Variants in USP13 observed in about 807,000 individuals in gnomAD.
USP13 encodes ubiquitin specific peptidase 13.
A neutral mutation model predicts 107.8 loss-of-function variants in USP13; 68 were observed. That is an observed-to-expected ratio of 0.63 (90% CI 0.52 to 0.77). USP13 has a LOEUF of 0.77. Among genes scored for constraint, USP13 ranks in the 30% least tolerant of loss-of-function variants. The pLI is 0.00. For missense variants in USP13, 945 were observed against 1,093.3 expected (o/e 0.86, Z 1.91); for synonymous variants, 377 against 389.5 (o/e 0.97, Z 0.38).
At position 179,754,752 on chromosome 3, in the gene USP13, GACCTACTTGATATCA is replaced by G. The variant is rs772209058; in HGVS notation, c.1823_1837del (p.Leu608_Asn612del). 2 of 1,613,436 alleles carry G rather than the reference GACCTACTTGATATCA, an allele frequency of 1.2e-6. No homozygotes were observed. Among genetic ancestry groups the G allele is most frequent in the South Asian group, 2.2e-5 (2 of 90,870 alleles). ...TGCAGATGTTTCTATTGATATGCCA[GACCTACTTGATATCA>G]ACCATCTCCGAGCCAGGGGGTTACA... is the stretch of plus-strand genomic sequence containing the variant. On this transcript the variant is annotated inframe_deletion, in exon 15 of 21. Coordinates refer to ENST00000263966, the MANE Select transcript of USP13 (RefSeq NM_003940.3).
intron 3 of USP13, among the ~76,000 whole-genome samples, chr3:179,690,814 TC>T (rs1166258264): frequency 3.3e-5 from 5 of 152,170 alleles, no homozygotes; most frequent in Non-Finnish European, 5.9e-5. Context: ...GCTCAAGCGA[TC>T]CAACTGCCTC....
chr3:179,670,278 G>A (rs557804208), intron 1 of USP13, among the ~76,000 whole-genome samples: 3 of 152,180 alleles, frequency 2.0e-5, no homozygotes, highest in Non-Finnish European at 2.9e-5. Context: ...TCTTTCTTGC[G>A]TGTTGCCTGT....
At chr3:179,717,027 C>T (rs1189308533) in intron 6 of USP13, among the ~76,000 whole-genome samples, 1 of 152,184 alleles carries the variant, frequency 6.6e-6, no homozygotes, top group East Asian at 1.9e-4. Flanking sequence ...TCATGAAACA[C>T]TGCTTGGGCT....
Position 179,653,240 on chromosome 3 carries a change from C to A in USP13, c.15C>A (p.Gly5=). The part of the protein sequence containing the change: MQRR[G]ALFGMPGGSG... The stretch of plus-strand genomic sequence containing the variant: ...GCGCCGAGGCCATGCAGCGCCGGGG[C>A]GCCCTGTTCGGCATGCCGGGCGGCA... The change falls in exon 1 of 21, where the codon GGC becomes GGA. Residue 5 remains glycine, a synonymous_variant. Coordinates refer to ENST00000263966, the MANE Select transcript of USP13 (RefSeq NM_003940.3). This position sits in a 1 kb window ranked among gnomAD's most constrained non-coding sequence, Gnocchi z 4.0. 6.5e-7 allele frequency: 1 copy of A among 1,549,314 alleles called. No homozygotes were observed. Among genetic ancestry groups the A allele is most frequent in the East Asian group, 2.4e-5 (1 of 40,870 alleles).
chr3:179,720,408 T>G (rs1186658746), intron 7 of USP13, among the ~76,000 whole-genome samples: 1 of 152,222 alleles, frequency 6.6e-6, no homozygotes, highest in Non-Finnish European at 1.5e-5. Context: ...TTTCATTAAT[T>G]TCAGGGAGGG....
rs573375270 is a variant in USP13, at chr3:179,778,318, A to G, written c.2414-3421A>G. On this transcript the variant is annotated intron_variant, in intron 19 of 20. Transcript: ENST00000263966. ...CCTTCATTCATTCATTTATTTATACATTTAACAGATACTTATTAAGTACCT... is the reference window on the plus strand; with the variant it reads ...CCTTCATTCATTCATTTATTTATACGTTTAACAGATACTTATTAAGTACCT... Among the ~76,000 whole-genome samples, 8 of 152,376 alleles carry G rather than the reference A, an allele frequency of 5.3e-5. No individual in the cohort carries two copies. The East Asian group carries it at 1.5e-3, about 29-fold the overall frequency.
At chr3:179,722,237 G>A (rs1043903696) in intron 8 of USP13, among the ~76,000 whole-genome samples, 1 of 152,102 alleles carries the variant, frequency 6.6e-6, no homozygotes, top group African/African-American at 2.4e-5. Context: ...GAGAGATCCG[G>A]TGGTAGGTCT....
At chr3:179,769,892 TA>T (rs775777239) in intron 19 of USP13, among the ~76,000 whole-genome samples, 40 of 152,328 alleles carry the variant, frequency 2.6e-4, no homozygotes, top group Non-Finnish European at 5.0e-4. Context: ...GATTATTTGT[TA>T]AGGGAAGTTT....
chr3:179,706,896 A>T (rs375369301), intron 4 of USP13, 38 bp from the exon 5 acceptor site: 1 of 1,560,052 alleles, frequency 6.4e-7, no homozygotes, highest in African/African-American at 1.4e-5. Context: ...TATTTTCTCA[A>T]ACTGTTTTTA....
At chr3:179,759,833 C>G (rs969343290) in intron 16 of USP13, among the ~76,000 whole-genome samples, 2 of 152,132 alleles carry the variant, frequency 1.3e-5, no homozygotes, top group Admixed American at 6.5e-5. Context: ...GCCACCACCC[C>G]CAGCTAACTT....
At chr3:179,741,477 C>T (rs1199226470) in intron 11 of USP13, among the ~76,000 whole-genome samples, 2 of 151,472 alleles carry the variant, frequency 1.3e-5, no homozygotes, top group Non-Finnish European at 2.9e-5. Flanking sequence ...AATAAAGCCT[C>T]CCGAGTAGCT....
chr3:179,756,388 C>T (rs200747224), intron 15 of USP13, among the ~76,000 whole-genome samples: 41 of 151,816 alleles, frequency 2.7e-4, no homozygotes, highest in East Asian at 2.0e-3. Context: ...TCCAGCCTGG[C>T]GGCAGAGCGA....
intron 6 of USP13, among the ~76,000 whole-genome samples, chr3:179,714,929 G>A (rs1476768003): frequency 6.9e-6 from 1 of 145,256 alleles, no homozygotes; most frequent in Non-Finnish European, 1.5e-5. Flanking sequence ...GGAGAGCAGT[G>A]GTGGAATCAT....
chr3:179,681,731 A>G, intron 1 of USP13, 147 bp from the exon 2 acceptor site: 1 of 1,032,314 alleles, frequency 9.7e-7, no homozygotes, highest in Non-Finnish European at 1.4e-6. Flanking sequence ...ACTTGGGTTA[A>G]AACAAGGTAG....
intron 4 of USP13, 34 bp from the exon 5 acceptor site, chr3:179,706,898 CTG>C (rs1371743448): frequency 1.3e-6 from 2 of 1,559,780 alleles, no homozygotes; most frequent in East Asian, 2.3e-5. Flanking sequence ...TTTTCTCAAA[CTG>C]TTTTTATATA....
Position 179,784,465 on chromosome 3 carries a change from T to C in USP13, c.*324T>C, listed in dbSNP as rs970320981. ...AAATGGGGATGTGCCCCCAGCCCTC[T>C]ATTTTGCTTTGGGGGTCAGTGATAG... On this transcript the variant is annotated 3_prime_UTR_variant, in exon 21 of 21. Transcript: ENST00000263966. 4.9e-6 allele frequency: 1 copy of C among 204,188 alleles called. No homozygotes were observed. Among genetic ancestry groups the C allele is most frequent in the East Asian group, 1.2e-4 (1 of 8,080 alleles). The allele number at this position is 204,188 out of a possible 1,614,324, so 12.6% of individuals were successfully genotyped here. A position where few individuals can be genotyped will look rare whatever the true frequency, so the allele number is the denominator to read the frequency against.
chr3:179,729,592 C>T (rs1285369535), intron 8 of USP13, among the ~76,000 whole-genome samples: 1 of 152,202 alleles, frequency 6.6e-6, no homozygotes, highest in African/African-American at 2.4e-5. Flanking sequence ...CTGCCTCAGC[C>T]TCCCAAGTAG....
chr3:179,742,120 T>C lies in USP13; in HGVS notation c.1381-77T>C, dbSNP rs1242713561. On this transcript the variant is annotated intron_variant, in intron 11 of 20. Coordinates refer to ENST00000263966, the MANE Select transcript of USP13 (RefSeq NM_003940.3). The surrounding 1 kb of genome is among the most constrained non-coding windows in gnomAD (Gnocchi z 5.0). Reference sequence around the variant, plus strand: ...AATAAAGCCAAGTGTTTACACCGGGTTTAGAGTTCATTTTCTACTAAGTCT... The same window carrying C: ...AATAAAGCCAAGTGTTTACACCGGGCTTAGAGTTCATTTTCTACTAAGTCT... 1.3e-6 allele frequency: 2 copies of C among 1,572,238 alleles called. No homozygotes were observed. The highest frequency in any genetic ancestry group is 4.5e-5 in the East Asian group (2 of 44,424).
At position 179,750,116 on chromosome 3, in the gene USP13, T is replaced by C. The variant is rs911411195; in HGVS notation, c.1710-2169T>C. ...CCCATCTCTACTAAAAATACAAAAA[T>C]TAGCTGGGCATGGTGGCAGGCACCT... On this transcript the variant is annotated intron_variant, in intron 13 of 20. Transcript: ENST00000263966. Among the ~76,000 whole-genome samples the C allele has an allele frequency of 1.5e-4, 23 of 151,572 alleles. 2 individuals carry two copies. In the South Asian group the frequency reaches 4.8e-3, roughly 32 times the overall value.
Sources: allele counts gnomAD v4.1 joint callset (sites outside exome capture counted in the v4.1 genomes callset), GRCh38; gene constraint gnomAD v4.1.1; non-coding constraint Gnocchi (gnomAD v3.1); transcripts MANE v1.5; gene names NCBI Gene and HGNC (gene_info 2026-07-23, HGNC 2026-07-21).